The following PPP6R2 variants were observed in gnomAD, a reference collection of about 807,000 sequenced individuals.
PPP6R2 encodes the protein serine/threonine-protein phosphatase 6 regulatory subunit 2.
In PPP6R2, 62 loss-of-function variants were observed where a neutral mutation model predicts 100.2. The ratio of observed to expected loss-of-function variants is 0.62; its 90% confidence interval spans 0.50 to 0.76. The LOEUF (loss-of-function observed/expected upper bound fraction) is 0.76. PPP6R2 is among the 30% of genes least tolerant of loss of function. The probability of loss-of-function intolerance (pLI) is 0.00; values close to 1 mark genes in which losing one functional copy is unlikely to be tolerated. For synonymous variants in PPP6R2, 525 were observed against 514.7 expected (o/e 1.02, Z -0.27); for missense variants, 1,142 against 1,276.3 (o/e 0.89, Z 1.60).
rs2066485673 is a variant in PPP6R2, at chr22:50,444,009, C to T, written c.2723C>T (p.Thr908Ile). ...ALSKAGPAIP[T>I]PAVSSALAVA... ...AGCAAGGCTGGCCCCGCCATACCCACCCCAGCAGTCTCTTCTGCACTGGCC... is the reference window on the plus strand; with the variant it reads ...AGCAAGGCTGGCCCCGCCATACCCATCCCAGCAGTCTCTTCTGCACTGGCC... Residue 908 changes from threonine (T) to isoleucine (I), a missense_variant, in exon 23 of 24, where the codon ACC (threonine) becomes ATC (isoleucine). Physicochemically the swap from Thr to Ile is moderately conservative, Grantham distance 89. This residue lies in a region of PPP6R2 where 550 missense variants were observed against 517.4 expected (regional missense o/e 1.06). Transcript: ENST00000612753. 1 of 1,613,476 alleles carries T rather than the reference C, an allele frequency of 6.2e-7. No individual in the cohort carries two copies. Among genetic ancestry groups the T allele is most frequent in the African/African-American group, 1.3e-5 (1 of 75,070 alleles).
Position 50,421,709 on chromosome 22 carries a change from G to T in PPP6R2, c.846-545G>T, listed in dbSNP as rs150704577. Among the ~76,000 whole-genome samples, 498 of 152,020 alleles carry T rather than the reference G, an allele frequency of 3.3e-3. 1 individual carries two copies. The highest frequency in any genetic ancestry group is 0.011 in the African/African-American group (476 of 41,472). ...GTGGATCACCTGAGGTCAGGTGATC[G>T]AGACCAGCCTGGCCAACATGGCAAA... On this transcript the variant is annotated intron_variant, in intron 8 of 23. Coordinates refer to ENST00000612753, the MANE Select transcript of PPP6R2 (RefSeq NM_001242898.2).
chr22:50,373,096 T>C (rs2095275012), intron 2 of PPP6R2, among the ~76,000 whole-genome samples: 3 of 152,100 alleles, frequency 2.0e-5, no homozygotes, highest in Admixed American at 2.0e-4. Flanking sequence ...ACTGTCACAG[T>C]TGCCATTCAA....
intron 2 of PPP6R2, among the ~76,000 whole-genome samples, chr22:50,384,654 A>G (rs538304253): frequency 2.0e-5 from 3 of 152,206 alleles, no homozygotes; most frequent in Non-Finnish European, 4.4e-5. Flanking sequence ...GCTGCTGGGG[A>G]CACTGTGGTG....
chr22:50,341,613 G>T (rs2042394593), upstream of PPP6R2, among the ~76,000 whole-genome samples: 1 of 152,236 alleles, frequency 6.6e-6, no homozygotes, highest in African/African-American at 2.4e-5. Flanking sequence ...GGTCTCAGGA[G>T]TCAGGAGAGA....
chr22:50,380,535 ATTTTT>A (rs1333049967), intron 2 of PPP6R2, among the ~76,000 whole-genome samples: 1 of 149,750 alleles, frequency 6.7e-6, no homozygotes, highest in Non-Finnish European at 1.5e-5. Flanking sequence ...TAATTTTTGT[ATTTTT>A]AGTAGAGACG....
intron 4 of PPP6R2, among the ~76,000 whole-genome samples, chr22:50,413,024 G>C (rs1163551189): frequency 6.8e-6 from 1 of 146,346 alleles, no homozygotes; most frequent in Non-Finnish European, 1.5e-5. Flanking sequence ...GCAATGGTGC[G>C]ATCTTGGCTT....
At chr22:50,442,907 G>A (rs989791053) in intron 22 of PPP6R2, among the ~76,000 whole-genome samples, 2 of 149,218 alleles carry the variant, frequency 1.3e-5, no homozygotes, top group Admixed American at 6.7e-5. Context: ...GCTCACGCCT[G>A]TAATCCCAGC....
At chr22:50,436,506 C>T in intron 14 of PPP6R2, 54 bp downstream of exon 14, 1 of 1,515,340 alleles carries the variant, frequency 6.6e-7, no homozygotes, top group Non-Finnish European at 9.0e-7. Context: ...GGGACGCCGT[C>T]AGACGCTCCT....
At chr22:50,359,525 GT>G (rs34906299) in intron 1 of PPP6R2, among the ~76,000 whole-genome samples, 34,736 of 151,190 alleles carry the variant, frequency 0.23, 6,046 homozygotes, top group African/African-American at 0.49. Flanking sequence ...CCTGTGGAGT[GT>G]TTTTTTTTAT....
At chr22:50,416,797 C>T (rs1188785468) in intron 6 of PPP6R2, among the ~76,000 whole-genome samples, 1 of 151,818 alleles carries the variant, frequency 6.6e-6, no homozygotes, top group African/African-American at 2.4e-5. Context: ...AACCCTGTCT[C>T]TACTAAAAAT....
intron 1 of PPP6R2, among the ~76,000 whole-genome samples, chr22:50,356,897 G>C (rs1050859066): frequency 8.6e-5 from 13 of 151,476 alleles, no homozygotes; most frequent in African/African-American, 4.9e-5. Flanking sequence ...TCGTGCCACT[G>C]CCCTCCAGCT....
chr22:50,349,860 C>T lies in PPP6R2; in HGVS notation c.-148+6310C>T, dbSNP rs1044917596. On this transcript the variant is annotated intron_variant, in intron 1 of 23. Coordinates refer to ENST00000612753, the MANE Select transcript of PPP6R2 (RefSeq NM_001242898.2). ...AAAAGCAGCTGGGTGTGGTGGCCCA[C>T]GCCTGTAATCAGTTTGGGAGGCCGA... Among the ~76,000 whole-genome samples, 9 of 143,966 alleles carry T rather than the reference C, an allele frequency of 6.3e-5. 1 individual carries two copies. The South Asian group carries it at 1.8e-3, about 29-fold the overall frequency. The allele number at this position is 143,966 out of a possible 152,430, so 94.4% of individuals were successfully genotyped here.
At chr22:50,412,171 T>C (rs1165895885) in intron 4 of PPP6R2, among the ~76,000 whole-genome samples, 1 of 152,106 alleles carries the variant, frequency 6.6e-6, no homozygotes, top group African/African-American at 2.4e-5. Flanking sequence ...TCGATCATTA[T>C]GGGCTCAAAA....
At chr22:50,394,284 C>T (rs1341136230) in intron 3 of PPP6R2, 149 bp downstream of exon 3, 3 of 1,253,874 alleles carry the variant, frequency 2.4e-6, no homozygotes, top group South Asian at 1.5e-5. Context: ...GAGGGCACTC[C>T]CATGGGGTCT....
At chr22:50,396,981 A>T (rs2057027000) in intron 3 of PPP6R2, among the ~76,000 whole-genome samples, 1 of 152,158 alleles carries the variant, frequency 6.6e-6, no homozygotes, top group South Asian at 2.1e-4. Flanking sequence ...GTCTGGTGAC[A>T]AATTAGAGTT....
intron 12 of PPP6R2, 103 bp downstream of exon 12, chr22:50,432,432 C>A: frequency 8.7e-7 from 1 of 1,155,172 alleles, no homozygotes; most frequent in Non-Finnish European, 1.3e-6. Context: ...ACTGCAGGAT[C>A]GGGTGGAGTG....
chr22:50,357,868 T>C (rs2046944644), intron 1 of PPP6R2, among the ~76,000 whole-genome samples: 1 of 151,942 alleles, frequency 6.6e-6, no homozygotes, highest in Admixed American at 6.6e-5. Context: ...TCGTGATTCG[T>C]CCTCCTTGGC....
At chr22:50,404,602 T>G (rs1423835001) in intron 3 of PPP6R2, among the ~76,000 whole-genome samples, 1 of 69,424 alleles carries the variant, frequency 1.4e-5, no homozygotes, top group Non-Finnish European at 3.4e-5. Flanking sequence ...CTTTCTTGTT[T>G]TTTTTTTTTT....
chr22:50,340,979 T>C (rs187973022), upstream of PPP6R2, among the ~76,000 whole-genome samples: 2 of 152,166 alleles, frequency 1.3e-5, no homozygotes, highest in Admixed American at 6.5e-5. Context: ...GACGTGATCT[T>C]GGCTCGCTGC....
Sources: gnomAD v4.1 joint callset for allele counts (sites outside exome capture counted in the v4.1 genomes callset) on GRCh38, gnomAD v4.1.1 for gene constraint, gnomAD v4.1.1 regional missense constraint, MANE v1.5 for transcripts, NCBI Gene and HGNC (gene_info 2026-07-23, HGNC 2026-07-21) for gene names.